The following MYCBP2 variants were observed in gnomAD, a reference collection of about 807,000 sequenced individuals.
MYCBP2 encodes the protein E3 ubiquitin-protein ligase MYCBP2.
MYCBP2 carries 120 observed loss-of-function variants against 525.3 expected under a neutral mutation model. The observed-to-expected ratio is 0.23, with a 90% CI of 0.20 to 0.27. The LOEUF (loss-of-function observed/expected upper bound fraction) is 0.27. Ranked by LOEUF, MYCBP2 falls within the 10% of genes least tolerant of loss-of-function variation. The pLI is 1.00. For synonymous variants in MYCBP2, 1,894 were observed against 1,955.8 expected, an observed-to-expected ratio of 0.97 and a Z score of 0.83; for missense variants, 4,149 against 5,657.1, an observed-to-expected ratio of 0.73 and a Z score of 8.55.
Position 77,155,357 on chromosome 13 carries a change from T to G in MYCBP2, c.6915+701A>C, listed in dbSNP as rs563714538. Among the ~76,000 whole-genome samples the G allele has an allele frequency of 2.0e-5, 3 of 152,246 alleles. 1 individual carries two copies. In the South Asian group the frequency reaches 6.2e-4, roughly 32 times the overall value. ...TTTGTGGCTTAATCAGCTCTAAGCTTCAAACAACCAATCACTCTATAAGAC... is the reference window on the plus strand; with the variant it reads ...TTTGTGGCTTAATCAGCTCTAAGCTGCAAACAACCAATCACTCTATAAGAC... On this transcript the variant is annotated intron_variant, in intron 46 of 82. Coordinates refer to ENST00000544440, the MANE Select transcript of MYCBP2 (RefSeq NM_015057.5).
chr13:77,292,504 T>C (rs1193066040), intron 2 of MYCBP2, among the ~76,000 whole-genome samples: 1 of 146,110 alleles, frequency 6.8e-6, no homozygotes, highest in Non-Finnish European at 1.5e-5. Flanking sequence ...ACACAAATCA[T>C]TATGCTGAGG....
intron 1 of MYCBP2, among the ~76,000 whole-genome samples, chr13:77,311,179 C>A (rs1275428462): frequency 4.6e-5 from 7 of 151,944 alleles, no homozygotes; most frequent in Non-Finnish European, 8.8e-5. Flanking sequence ...CTCTTTCTGG[C>A]CAGAGGAACT....
intron 18 of MYCBP2, among the ~76,000 whole-genome samples, chr13:77,227,343 TAAAA>T (rs548646689): frequency 1.2e-5 from 1 of 85,334 alleles, no homozygotes. Context: ...ATGGATGGAC[TAAAA>T]AAAAAAAAAA....
intron 1 of MYCBP2, among the ~76,000 whole-genome samples, chr13:77,316,929 A>G (rs2081014547): frequency 6.7e-6 from 1 of 149,920 alleles, no homozygotes; most frequent in East Asian, 1.9e-4. Context: ...AACCCTGTCC[A>G]AATGGTGACT....
intron 26 of MYCBP2, among the ~76,000 whole-genome samples, chr13:77,203,436 G>A (rs2062873303): frequency 1.3e-5 from 2 of 152,072 alleles, no homozygotes; most frequent in South Asian, 2.1e-4. Context: ...CTCATGGGTA[G>A]GAAGAATCAA....
At chr13:77,108,733 T>C (rs995060919) in intron 55 of MYCBP2, among the ~76,000 whole-genome samples, 3 of 151,826 alleles carry the variant, frequency 2.0e-5, no homozygotes, top group Non-Finnish European at 4.4e-5. Context: ...AGATGGAGTC[T>C]TGCTCTGTTG....
At chr13:77,114,845 C>T (rs1159865660) in intron 55 of MYCBP2, among the ~76,000 whole-genome samples, 1 of 151,840 alleles carries the variant, frequency 6.6e-6, no homozygotes, top group Non-Finnish European at 1.5e-5. Context: ...TTTTCTACCA[C>T]AAACAAATAA....
chr13:77,075,127 G>A (rs1298946527), intron 68 of MYCBP2, among the ~76,000 whole-genome samples: 1 of 152,176 alleles, frequency 6.6e-6, no homozygotes, highest in African/African-American at 2.4e-5. Context: ...AGGATCCATT[G>A]AGCCCGGGAG....
At position 77,189,032 on chromosome 13, in the gene MYCBP2, A is replaced by G; in HGVS notation, c.4170T>C (p.Asp1390=). 1 of 1,610,132 alleles carries G rather than the reference A, an allele frequency of 6.2e-7. No individual in the cohort carries two copies. The highest frequency in any genetic ancestry group is 8.5e-7 in the Non-Finnish European group (1 of 1,178,262). Residue 1390 remains aspartate, a synonymous_variant, in exon 30 of 83, where the codon GAT becomes GAC. Coordinates refer to ENST00000544440, the MANE Select transcript of MYCBP2 (RefSeq NM_015057.5). ...GCTGTTTGCCTTTTGAAGCACTGCC[A>G]TCACTGGTTGGAAGTCTAAAGGCAG... ...PQLLYRLPTS[D]GSASKGKQQT... is the part of the protein sequence containing the mutation.
intron 5 of MYCBP2, 146 bp from the exon 6 acceptor site, chr13:77,270,684 A>G (rs1214222060): frequency 2.3e-6 from 2 of 855,644 alleles, no homozygotes; most frequent in East Asian, 2.7e-5. Flanking sequence ...GTACCAACTA[A>G]AAGTTCATCT....
chr13:77,181,951 ACC>A (rs1595195887), intron 32 of MYCBP2, 29 bp from the exon 33 acceptor site: 2 of 1,553,092 alleles, frequency 1.3e-6, no homozygotes, highest in South Asian at 1.1e-5. Context: ...TGGCCCCCCA[ACC>A]AAAAAATATA....
chr13:77,207,223 A>G (rs2063451157), intron 23 of MYCBP2, among the ~76,000 whole-genome samples: 1 of 152,216 alleles, frequency 6.6e-6, no homozygotes, highest in Non-Finnish European at 1.5e-5. Context: ...TATAAGAGCT[A>G]GAAACAATCA....
At chr13:77,276,816 G>GTTTTTTTTT (rs397851660) in intron 4 of MYCBP2, among the ~76,000 whole-genome samples, 6 of 76,228 alleles carry the variant, frequency 7.9e-5, no homozygotes, top group African/African-American at 2.8e-4. Context: ...TCCATGCCCA[G>GTTTTTTTTT]TTTTTTTTTT....
intron 2 of MYCBP2, among the ~76,000 whole-genome samples, chr13:77,293,377 G>A (rs1002977090): frequency 9.9e-5 from 15 of 152,138 alleles, no homozygotes; most frequent in Non-Finnish European, 1.2e-4. Flanking sequence ...TAACTCTTGT[G>A]TAACTCTCTT....
chr13:77,292,985 A>T (rs1474788141), intron 2 of MYCBP2, among the ~76,000 whole-genome samples: 3 of 151,608 alleles, frequency 2.0e-5, no homozygotes, highest in Non-Finnish European at 4.4e-5. Flanking sequence ...AAAGAAAGAA[A>T]AAAAAAGAAA....
At position 77,206,902 on chromosome 13, in the gene MYCBP2, A is replaced by G. The variant is rs897231657; in HGVS notation, c.3417-77T>C. 29 of 1,226,662 alleles carry G rather than the reference A, an allele frequency of 2.4e-5. No individual in the cohort carries two copies. In the Middle Eastern group the frequency reaches 1.0e-3, roughly 43 times the overall value. 76.0% of individuals were successfully genotyped at this position (1,226,662 alleles called of 1,614,324 possible). The stretch of plus-strand genomic sequence containing the variant: ...AAAAATTCCTAAAACATAACTGATG[A>G]TACAAAGAGAATAAATAATATAGTC... On this transcript the variant is annotated intron_variant, in intron 23 of 82. Transcript: ENST00000544440.
chr13:77,324,294 C>G (rs957509422), intron 1 of MYCBP2, among the ~76,000 whole-genome samples: 3 of 152,222 alleles, frequency 2.0e-5, no homozygotes, highest in Non-Finnish European at 4.4e-5. Context: ...TGTCTCCTTT[C>G]TCTCACACCT....
At chr13:77,050,371 G>A (rs893087818) in intron 82 of MYCBP2, among the ~76,000 whole-genome samples, 4 of 152,054 alleles carry the variant, frequency 2.6e-5, no homozygotes, top group Non-Finnish European at 4.4e-5. Flanking sequence ...TCTCTCCTAT[G>A]GTTGCACGGA....
In MYCBP2 at chr13:77,098,202, T is replaced by G. The variant is rs889758540; in HGVS notation, c.8952A>C (p.Ala2984=). The change falls in exon 56 of 83, where the codon GCA becomes GCC. Residue 2984 remains alanine, a synonymous_variant. Coordinates refer to ENST00000544440, the MANE Select transcript of MYCBP2 (RefSeq NM_015057.5). ...APLKDEQEMR[A]SPKISRKCAN... is the part of the protein sequence containing the mutation. ...CACATTTTCGACTTATTTTGGGAGA[T>G]GCTCTCATTTCCTGTTCATCTTTCA... is the stretch of plus-strand genomic sequence containing the variant. 1 of 1,613,710 alleles carries G rather than the reference T, an allele frequency of 6.2e-7. No individual in the cohort carries two copies. The highest frequency in any genetic ancestry group is 8.5e-7 in the Non-Finnish European group (1 of 1,179,776).
Sources: allele counts gnomAD v4.1 joint callset (sites outside exome capture counted in the v4.1 genomes callset), GRCh38; gene constraint gnomAD v4.1.1; transcripts MANE v1.5; gene names NCBI Gene and HGNC (gene_info 2026-07-23, HGNC 2026-07-21).